The following YIPF1 variants were observed in gnomAD, a reference collection of about 807,000 sequenced individuals.
YIPF1 encodes Yip1 domain family member 1.
A neutral mutation model predicts 37.0 loss-of-function variants in YIPF1; 22 were observed. The observed-to-expected ratio is 0.59, with a 90% CI of 0.42 to 0.85. The LOEUF is 0.85. YIPF1 is among the 40% of genes least tolerant of loss of function. The pLI is 0.00. For synonymous variants in YIPF1, 128 were observed against 131.9 expected (o/e 0.97, Z 0.21); for missense variants, 355 against 373.1 (o/e 0.95, Z 0.40).
At chr1:53,854,659 A>C (rs1009532534) in intron 10 of YIPF1, among the ~76,000 whole-genome samples, 1 of 152,214 alleles carries the variant, frequency 6.6e-6, no homozygotes, top group African/African-American at 2.4e-5. Context: ...TGTGTGGCGT[A>C]TGAGATGTAA....
At chr1:53,872,467 T>C (rs1650217895) in intron 6 of YIPF1, among the ~76,000 whole-genome samples, 1 of 152,240 alleles carries the variant, frequency 6.6e-6, no homozygotes, top group Non-Finnish European at 1.5e-5. Context: ...ACTGAGCAGA[T>C]GAGTGGACCA....
intron 3 of YIPF1, among the ~76,000 whole-genome samples, chr1:53,884,299 A>C (rs908368437): frequency 2.0e-5 from 3 of 151,962 alleles, no homozygotes; most frequent in African/African-American, 7.2e-5. Flanking sequence ...AAAGGCAAAC[A>C]CTATTAACAT....
At position 53,855,474 on chromosome 1, in the gene YIPF1, A is replaced by G. The variant is rs140521848; in HGVS notation, c.*9-3204T>C. 2.6e-3 allele frequency among the ~76,000 whole-genome samples: 397 copies of G among 152,296 alleles called. 1 individual carries two copies. Among genetic ancestry groups the G allele is most frequent in the African/African-American group, 9.1e-3 (377 of 41,562 alleles). Reference sequence around the variant, plus strand: ...TCTTTATATTATTTCAATAACTTACATAGGGGTAGCATGCTGATTACAAGT... The same window carrying G: ...TCTTTATATTATTTCAATAACTTACGTAGGGGTAGCATGCTGATTACAAGT... On this transcript the variant is annotated intron_variant, in intron 10 of 10. Coordinates refer to ENST00000072644, the MANE Select transcript of YIPF1 (RefSeq NM_018982.5).
chr1:53,870,158 C>CTTTTTTT, intron 7 of YIPF1, among the ~76,000 whole-genome samples: 1 of 67,450 alleles, frequency 1.5e-5, no homozygotes, highest in Non-Finnish European at 2.7e-5. Flanking sequence ...CGCACCGGGT[C>CTTTTTTT]TCTTTTTTTT....
chr1:53,860,256 C>T, intron 9 of YIPF1, 103 bp from the exon 10 acceptor site: 1 of 997,574 alleles, frequency 1.0e-6, no homozygotes, highest in Non-Finnish European at 1.5e-6. Context: ...CTCACAGCCC[C>T]TAAGTTCTTC....
Position 53,888,922 on chromosome 1 carries a change from C to G in YIPF1, c.16G>C (p.Asp6His), listed in dbSNP as rs772654886. Residue 6 changes from aspartate (D) to histidine (H), a missense_variant, in exon 3 of 11, where the codon GAC becomes CAC. Physicochemically the swap from Asp to His is moderately conservative, Grantham distance 81. Transcript: ENST00000072644. Reference protein sequence around the residue: MAAVDDLQFEEFGNAA... With the variant: MAAVDHLQFEEFGNAA... ...ACTGGTATACCTTCAAATTGCAAGT[C>G]ATCTACTGCTGCCATTCGGCCAGTG... 1 of 1,594,622 alleles carries G rather than the reference C, an allele frequency of 6.3e-7. No homozygotes were observed. The highest frequency in any genetic ancestry group is 8.6e-7 in the Non-Finnish European group (1 of 1,164,118).
chr1:53,868,769 T>A (rs943494146), intron 7 of YIPF1, among the ~76,000 whole-genome samples: 3 of 152,118 alleles, frequency 2.0e-5, no homozygotes, highest in African/African-American at 7.2e-5. Context: ...ATATATCACA[T>A]CACTTCCTGA....
chr1:53,872,350 T>C (rs1650215501), intron 6 of YIPF1, among the ~76,000 whole-genome samples: 1 of 152,154 alleles, frequency 6.6e-6, no homozygotes, highest in Non-Finnish European at 1.5e-5. Flanking sequence ...CATACATATA[T>C]GTCCTCCTGT....
At chr1:53,857,549 T>C (rs1207102552) in intron 10 of YIPF1, among the ~76,000 whole-genome samples, 2 of 152,158 alleles carry the variant, frequency 1.3e-5, no homozygotes, top group African/African-American at 4.8e-5. Context: ...TCCCAAGACT[T>C]AGATATGAGT....
rs1333390602 is a variant in YIPF1 at position 53,869,158 on chromosome 1, TCTCA to T, written c.481+2210_481+2213del. On this transcript the variant is annotated intron_variant, in intron 7 of 10. Coordinates refer to ENST00000072644, the MANE Select transcript of YIPF1 (RefSeq NM_018982.5). The stretch of plus-strand genomic sequence containing the variant: ...CTCTCTCTCTCTCTCTCTCTCTCTC[TCTCA>T]CACACACACACACACACACACACAC... Among the ~76,000 whole-genome samples the T allele has an allele frequency of 3.0e-3, 364 of 121,440 alleles. 1 individual carries two copies. Among genetic ancestry groups the T allele is most frequent in the African/African-American group, 5.8e-3 (155 of 26,942 alleles). 79.7% of individuals were successfully genotyped at this position (121,440 alleles called of 152,430 possible).
chr1:53,864,188 G>T (rs1649959644), intron 9 of YIPF1, among the ~76,000 whole-genome samples: 1 of 152,214 alleles, frequency 6.6e-6, no homozygotes, highest in Admixed American at 6.5e-5. Flanking sequence ...CACGTGAGGG[G>T]AAGAACTTCA....
At chr1:53,888,779 G>T in intron 3 of YIPF1, 128 bp downstream of exon 3, 1 of 967,154 alleles carries the variant, frequency 1.0e-6, no homozygotes. Flanking sequence ...ACCTGGATGT[G>T]GCCAACAGCC....
chr1:53,879,819 C>T (rs994387276), intron 4 of YIPF1, among the ~76,000 whole-genome samples: 1 of 152,220 alleles, frequency 6.6e-6, no homozygotes, highest in Non-Finnish European at 1.5e-5. Flanking sequence ...GCACCTTCAA[C>T]TGAAATACCC....
At chr1:53,880,888 T>C (rs1182134747) in intron 4 of YIPF1, among the ~76,000 whole-genome samples, 1 of 152,140 alleles carries the variant, frequency 6.6e-6, no homozygotes, top group Non-Finnish European at 1.5e-5. Flanking sequence ...GACCCCTTCC[T>C]TATACCATAA....
chr1:53,861,913 C>G (rs896061248), intron 9 of YIPF1, among the ~76,000 whole-genome samples: 10 of 152,162 alleles, frequency 6.6e-5, no homozygotes, highest in African/African-American at 2.4e-4. Context: ...ACTCAGGAGG[C>G]TGAGGGACAA....
At chr1:53,884,960 A>G (rs1650605801) in intron 3 of YIPF1, among the ~76,000 whole-genome samples, 1 of 152,214 alleles carries the variant, frequency 6.6e-6, no homozygotes, top group Non-Finnish European at 1.5e-5. Context: ...CACTAAAGTG[A>G]CTGAAATTAA....
At chr1:53,888,285 G>C (rs1282859639) in intron 3 of YIPF1, among the ~76,000 whole-genome samples, 1 of 152,104 alleles carries the variant, frequency 6.6e-6, no homozygotes, top group Admixed American at 6.5e-5. Context: ...TCAGGCTCTG[G>C]GTTATGAGTC....
At chr1:53,860,520 C>T (rs190899109) in intron 9 of YIPF1, among the ~76,000 whole-genome samples, 10 of 152,304 alleles carry the variant, frequency 6.6e-5, no homozygotes, top group Non-Finnish European at 1.3e-4. Flanking sequence ...AAAGCTAGGT[C>T]GGTCTGACTC....
intron 8 of YIPF1, 66 bp downstream of exon 8, chr1:53,866,692 C>G: frequency 6.6e-7 from 1 of 1,515,988 alleles, no homozygotes; most frequent in Non-Finnish European, 8.9e-7. Context: ...AGGTCAAATT[C>G]TTGGTTGAAG....
Sources: allele counts gnomAD v4.1 joint callset (sites outside exome capture counted in the v4.1 genomes callset), GRCh38; gene constraint gnomAD v4.1.1; transcripts MANE v1.5; gene names NCBI Gene and HGNC (gene_info 2026-07-23, HGNC 2026-07-21).